The following NUP153 variants were observed in gnomAD, a reference collection of about 807,000 sequenced individuals.
The protein encoded by NUP153 is nucleoporin 153, also known as nuclear pore complex protein Nup153.
NUP153 carries 27 observed loss-of-function variants against 134.6 expected under a neutral mutation model. The observed-to-expected ratio is 0.20, with a 90% CI of 0.15 to 0.28. The LOEUF is 0.28. Among genes scored for constraint, NUP153 ranks in the 10% least tolerant of loss-of-function variants. The pLI, the probability that NUP153 is intolerant of heterozygous loss-of-function variation, is 1.00. For synonymous variants in NUP153, 640 were observed against 623.5 expected (o/e 1.03, Z -0.40); for missense variants, 1,821 against 1,731.3 (o/e 1.05, Z -0.92).
At chr6:17,657,025 G>A (rs1356357128) in intron 11 of NUP153, among the ~76,000 whole-genome samples, 1 of 152,166 alleles carries the variant, frequency 6.6e-6, no homozygotes, top group Non-Finnish European at 1.5e-5. Flanking sequence ...GTAAGTTCAA[G>A]AATACCTGTT....
chr6:17,706,627 G>GCCGCCTCTGCGGACCC lies in NUP153; in HGVS notation c.-256_-241dup. The GCCGCCTCTGCGGACCC allele has an allele frequency of 1.8e-6, 1 of 561,650 alleles. No homozygotes were observed. The highest frequency in any genetic ancestry group is 3.1e-6 in the Non-Finnish European group (1 of 318,122). The allele number at this position is 561,650 out of a possible 1,614,324, so 34.8% of individuals were successfully genotyped here. A position where few individuals can be genotyped will look rare whatever the true frequency, so the allele number is the denominator to read the frequency against. On this transcript the variant is annotated 5_prime_UTR_variant, in exon 1 of 22. Coordinates refer to ENST00000262077, the MANE Select transcript of NUP153 (RefSeq NM_005124.4). The surrounding 1 kb of genome is among the most constrained non-coding windows in gnomAD (Gnocchi z 5.9). ...CAGAGGCCGAGGAGGCTCCGGTCCG[G>GCCGCCTCTGCGGACCC]CCGCCTCTGCGGACCCCCGCCTCTG...
At chr6:17,665,566 T>C (rs1199941164) in intron 8 of NUP153, among the ~76,000 whole-genome samples, 181 bp from the exon 9 acceptor site, 2 of 152,166 alleles carry the variant, frequency 1.3e-5, no homozygotes, top group Non-Finnish European at 2.9e-5. Flanking sequence ...TGTATTCATA[T>C]ACCTATGCAC....
At chr6:17,644,051 TAAAA>T (rs201651917) in intron 14 of NUP153, among the ~76,000 whole-genome samples, 1 of 149,034 alleles carries the variant, frequency 6.7e-6, no homozygotes, top group Admixed American at 6.7e-5. Context: ...GTTAGCCAAT[TAAAA>T]AAAAAAGATA....
chr6:17,648,854 A>C (rs1469694827), intron 12 of NUP153, among the ~76,000 whole-genome samples: 1 of 152,122 alleles, frequency 6.6e-6, no homozygotes, highest in Non-Finnish European at 1.5e-5. Context: ...CTAGCTGAGA[A>C]GTAAAAACAT....
chr6:17,668,929 C>T (rs772597456), intron 8 of NUP153, 46 bp downstream of exon 8: 3 of 1,316,542 alleles, frequency 2.3e-6, no homozygotes, highest in Non-Finnish European at 3.2e-6. Flanking sequence ...TTAAACACAA[C>T]AAAATTGTAG....
intron 15 of NUP153, among the ~76,000 whole-genome samples, chr6:17,639,314 A>G (rs1223153950): frequency 6.6e-6 from 1 of 151,990 alleles, no homozygotes; most frequent in South Asian, 2.1e-4. Context: ...CCTGGCCTCA[A>G]GTGATCTGCC....
chr6:17,705,295 C>CTT (rs1231385838), intron 1 of NUP153, among the ~76,000 whole-genome samples: 11 of 152,138 alleles, frequency 7.2e-5, no homozygotes, highest in African/African-American at 2.4e-4. Context: ...TTAACATTTT[C>CTT]CTATTCAATA....
At position 17,624,687 on chromosome 6, in the gene NUP153, A is replaced by C. The variant is rs1319839305; in HGVS notation, c.4048T>G (p.Leu1350Val). 6.2e-7 allele frequency: 1 copy of C among 1,614,172 alleles called. No individual in the cohort carries two copies. Among genetic ancestry groups the C allele is most frequent in the South Asian group, 1.1e-5 (1 of 91,078 alleles). ...GCAGGCTGAGAACCAGTGGGAAATA[A>C]TGCTGTGGAAGATGATATAGATCCA... Reference protein sequence around the residue: ...GFGSISSSTALFPTGSQPAPP... With the variant: ...GFGSISSSTAVFPTGSQPAPP... The change falls in exon 20 of 22, where the codon TTA becomes GTA. Residue 1350 changes from leucine (L) to valine (V), a missense_variant. Physicochemically the swap from Leu to Val is conservative, Grantham distance 32. Transcript: ENST00000262077.
chr6:17,703,811 T>C (rs572535709), intron 1 of NUP153, among the ~76,000 whole-genome samples: 1 of 152,322 alleles, frequency 6.6e-6, no homozygotes, highest in South Asian at 2.1e-4. Context: ...TATGTTTTCT[T>C]TTTTAATTAA....
intron 14 of NUP153, among the ~76,000 whole-genome samples, chr6:17,645,411 A>G (rs1766107000): frequency 6.6e-6 from 1 of 151,598 alleles, no homozygotes; most frequent in Non-Finnish European, 1.5e-5. Flanking sequence ...CTCCCACTTC[A>G]GCATCCCAGG....
intron 9 of NUP153, among the ~76,000 whole-genome samples, chr6:17,663,260 C>CACACACATATATAT (rs1389702878): frequency 7.1e-6 from 1 of 139,994 alleles, no homozygotes. Flanking sequence ...CACACACACA[C>CACACACATATATAT]ATATATATAT....
Position 17,632,848 on chromosome 6 carries a change from A to T in NUP153, c.2465-4T>A. 1.5e-6 allele frequency: 2 copies of T among 1,370,436 alleles called. No homozygotes were observed. The highest frequency in any genetic ancestry group is 1.9e-6 in the Non-Finnish European group (2 of 1,033,136). 84.9% of individuals were successfully genotyped at this position (1,370,436 alleles called of 1,614,324 possible). A position where few individuals can be genotyped will look rare whatever the true frequency, so the allele number is the denominator to read the frequency against. On this transcript the variant is annotated splice_region_variant and splice_polypyrimidine_tract_variant and intron_variant, in intron 16 of 21. Coordinates refer to ENST00000262077, the MANE Select transcript of NUP153 (RefSeq NM_005124.4). Reference sequence around the variant, plus strand: ...CTTGAAGCAGGTACTGAACTTCCTAAAAAAAAAAAAAAAAACGGGGAGTGG... The same window carrying T: ...CTTGAAGCAGGTACTGAACTTCCTATAAAAAAAAAAAAAAACGGGGAGTGG...
At chr6:17,697,070 CAAA>C (rs11363029) in intron 1 of NUP153, among the ~76,000 whole-genome samples, 1 of 127,020 alleles carries the variant, frequency 7.9e-6, no homozygotes, top group Admixed American at 7.9e-5. Flanking sequence ...GACTCCGTCT[CAAA>C]AAAAAAAAAA....
chr6:17,659,851 T>G (rs905037958), intron 11 of NUP153, among the ~76,000 whole-genome samples: 5 of 152,222 alleles, frequency 3.3e-5, no homozygotes, highest in Admixed American at 2.6e-4. Flanking sequence ...CTATAAAATT[T>G]ATATACTGTT....
In NUP153 at chr6:17,661,849, C is replaced by T. The variant is rs1341593076; in HGVS notation, c.1269-70G>A. The T allele has an allele frequency of 1.2e-5, 17 of 1,424,082 alleles. No homozygotes were observed. In the East Asian group the frequency reaches 3.5e-4, roughly 29 times the overall value. The allele number at this position is 1,424,082 out of a possible 1,614,324, so 88.2% of individuals were successfully genotyped here. The stretch of plus-strand genomic sequence containing the variant: ...GTCCATAACTTGTTAACTAGAACTG[C>T]TAACAAGTAAAAAAAAAATATACAG... On this transcript the variant is annotated intron_variant, in intron 10 of 21. Transcript: ENST00000262077.
chr6:17,667,442 C>T (rs887723923), intron 8 of NUP153, among the ~76,000 whole-genome samples: 1 of 152,136 alleles, frequency 6.6e-6, no homozygotes, highest in Non-Finnish European at 1.5e-5. Context: ...AAGCCAGGCA[C>T]GGTGGCTCAC....
In NUP153 at chr6:17,632,336, CAAAA is replaced by C. The variant is rs869279182; in HGVS notation, c.2659+310_2659+313del. 4.2e-5 allele frequency among the ~76,000 whole-genome samples: 6 copies of C among 144,156 alleles called. No homozygotes were observed. In the East Asian group the frequency reaches 5.9e-4, roughly 14 times the overall value. 94.6% of individuals were successfully genotyped at this position (144,156 alleles called of 152,430 possible). A position where few individuals can be genotyped will look rare whatever the true frequency, so the allele number is the denominator to read the frequency against. On this transcript the variant is annotated intron_variant, in intron 17 of 21. Transcript: ENST00000262077. The stretch of plus-strand genomic sequence containing the variant: ...ACAAACAAACAAAAAAACAAACAAA[CAAAA>C]AAACAAAGAACAGTTCACCTAGGGG...
rs1419287078 is a variant in NUP153, at chr6:17,637,570, C to T, written c.2047G>A (p.Ala683Thr). The change falls in exon 16 of 22, where the codon GCA becomes ACA. Residue 683 changes from alanine to threonine, a missense_variant. Ala to Thr is a moderately conservative substitution (Grantham distance 58). Coordinates refer to ENST00000262077, the MANE Select transcript of NUP153 (RefSeq NM_005124.4). ...GTATCTCTGGGTGACAATTTTGCTG[C>T]TTGACAGGCTATGCATTTGTTGTCT... ...VTDNKCIACQ[A>T]AKLSPRDTAK... 5.6e-6 allele frequency: 9 copies of T among 1,614,154 alleles called. No individual in the cohort carries two copies. The South Asian group carries it at 9.9e-5, about 18-fold the overall frequency.
At chr6:17,661,808 CTGATA>C (rs754129810) in intron 10 of NUP153, 29 bp from the exon 11 acceptor site, 1 of 1,602,294 alleles carries the variant, frequency 6.2e-7, no homozygotes, top group Admixed American at 1.7e-5. Flanking sequence ...ATTAAAACAA[CTGATA>C]TATTATTGTG....
Sources: allele counts gnomAD v4.1 joint callset (sites outside exome capture counted in the v4.1 genomes callset), GRCh38; gene constraint gnomAD v4.1.1; non-coding constraint Gnocchi (gnomAD v3.1); transcripts MANE v1.5; gene names NCBI Gene and HGNC (gene_info 2026-07-23, HGNC 2026-07-21).